ATP2B2: variants seen among roughly 807,000 people sequenced by gnomAD.
ATP2B2 encodes ATPase plasma membrane Ca2+ transporting 2.
ATP2B2 carries 15 observed loss-of-function variants against 120.0 expected under a neutral mutation model. That is an observed-to-expected ratio of 0.12 (90% confidence interval 0.08 to 0.19). The LOEUF (loss-of-function observed/expected upper bound fraction) is 0.19, where lower values mean the gene tolerates loss of function less well. Ranked by LOEUF, ATP2B2 falls within the 10% of genes least tolerant of loss-of-function variation. The pLI is 1.00. For missense variants in ATP2B2, 1,045 were observed against 1,719.8 expected, an observed-to-expected ratio of 0.61 and a Z score of 6.94; for synonymous variants, 694 against 700.3, an observed-to-expected ratio of 0.99 and a Z score of 0.14.
chr3:10,506,743 G>A (rs1434737221), upstream of ATP2B2, among the ~76,000 whole-genome samples: 4 of 152,142 alleles, frequency 2.6e-5, no homozygotes, highest in African/African-American at 9.7e-5. Flanking sequence ...GTGCATGGGG[G>A]ACAGGGGCAG....
intron 2 of ATP2B2, among the ~76,000 whole-genome samples, chr3:10,430,142 C>T (rs1184028570): frequency 1.3e-5 from 2 of 152,236 alleles, no homozygotes; most frequent in African/African-American, 2.4e-5. Context: ...CACCCAAGTG[C>T]TCTCATGGAG....
intron 2 of ATP2B2, among the ~76,000 whole-genome samples, chr3:10,608,892 G>A (rs1302289902): frequency 2.0e-5 from 3 of 151,864 alleles, no homozygotes; most frequent in South Asian, 2.1e-4. Flanking sequence ...GGGAGCTGGC[G>A]TGCACAAGGC....
In ATP2B2 at chr3:10,329,230, G is replaced by A; in HGVS notation, c.3421-105C>T. ...GGAGAAGGGTTAGGGCAAAGCAGGT[G>A]GCTGGAATCCATAGTCGCTGGGTGT... On this transcript the variant is annotated intron_variant, in intron 22 of 22. Coordinates refer to ENST00000360273, the MANE Select transcript of ATP2B2 (RefSeq NM_001001331.4). This position sits in a 1 kb window ranked among gnomAD's most constrained non-coding sequence, Gnocchi z 5.9. The A allele has an allele frequency of 8.7e-7, 1 of 1,144,736 alleles. No individual in the cohort carries two copies. Among genetic ancestry groups the A allele is most frequent in the Admixed American group, 1.7e-5 (1 of 58,412 alleles). 70.9% of individuals were successfully genotyped at this position (1,144,736 alleles called of 1,614,324 possible).
chr3:10,695,459 C>A (rs1331926324), intron 1 of ATP2B2, among the ~76,000 whole-genome samples: 1 of 152,152 alleles, frequency 6.6e-6, no homozygotes, highest in Non-Finnish European at 1.5e-5. Context: ...CACAGCCAAA[C>A]CATATAAACT....
At chr3:10,618,638 C>A (rs1013430164) in intron 2 of ATP2B2, among the ~76,000 whole-genome samples, 4 of 152,108 alleles carry the variant, frequency 2.6e-5, no homozygotes, top group African/African-American at 7.2e-5. Flanking sequence ...GCTTTTCCAC[C>A]AAAAGGTACC....
At chr3:10,633,325 C>T (rs1047788227) in intron 1 of ATP2B2, among the ~76,000 whole-genome samples, 6 of 152,216 alleles carry the variant, frequency 3.9e-5, no homozygotes, top group Non-Finnish European at 7.3e-5. Context: ...ACCAGGGTTG[C>T]CATCCACTGA....
At chr3:10,405,214 CT>C (rs756129269) in intron 3 of ATP2B2, among the ~76,000 whole-genome samples, 1 of 152,128 alleles carries the variant, frequency 6.6e-6, no homozygotes, top group Admixed American at 6.6e-5. Context: ...TTTTCATGAG[CT>C]TTTTTCCTTG....
At chr3:10,383,608 T>C (rs542908308) in intron 8 of ATP2B2, among the ~76,000 whole-genome samples, 3 of 152,348 alleles carry the variant, frequency 2.0e-5, no homozygotes, top group African/African-American at 7.2e-5. Context: ...CCAGCTCTGC[T>C]ACTTTCTAGC....
At chr3:10,368,489 C>T (rs567493325) in intron 12 of ATP2B2, among the ~76,000 whole-genome samples, 1 of 152,162 alleles carries the variant, frequency 6.6e-6, no homozygotes, top group South Asian at 2.1e-4. Flanking sequence ...ATCTATTCAT[C>T]CACCATTCCA....
At chr3:10,421,623 G>A (rs760833962) in intron 2 of ATP2B2, among the ~76,000 whole-genome samples, 3 of 152,182 alleles carry the variant, frequency 2.0e-5, no homozygotes, top group Non-Finnish European at 4.4e-5. Context: ...CAGCATCCCT[G>A]CCCTGATCCG....
At chr3:10,422,239 C>T (rs1047855722) in intron 2 of ATP2B2, among the ~76,000 whole-genome samples, 21 of 152,210 alleles carry the variant, frequency 1.4e-4, no homozygotes, top group Non-Finnish European at 1.5e-5. Context: ...TGGCCACGTG[C>T]CCCCTGTAAG....
At position 10,500,396 on chromosome 3, in the gene ATP2B2, G is replaced by C. The variant is rs11925076; in HGVS notation, c.-320+5069C>G. On this transcript the variant is annotated intron_variant, in intron 1 of 22. Transcript: ENST00000360273. Reference sequence around the variant, plus strand: ...TGGGTTGAACGGTGTCCTATCCAAAGTTCATGCCCACCTGGAACCTCAGAA... The same window carrying C: ...TGGGTTGAACGGTGTCCTATCCAAACTTCATGCCCACCTGGAACCTCAGAA... 7.6e-3 allele frequency among the ~76,000 whole-genome samples: 1,164 copies of C among 152,192 alleles called. 16 individuals are homozygous for C. The highest frequency in any genetic ancestry group is 0.027 in the African/African-American group (1,104 of 41,502).
intron 1 of ATP2B2, among the ~76,000 whole-genome samples, chr3:10,672,106 C>T (rs2071114635): frequency 6.6e-6 from 1 of 152,208 alleles, no homozygotes. Context: ...TGTTTTGGGT[C>T]TGCAAACTCT....
intron 1 of ATP2B2, among the ~76,000 whole-genome samples, chr3:10,652,458 T>C (rs1206402535): frequency 2.6e-5 from 4 of 152,202 alleles, no homozygotes; most frequent in African/African-American, 7.2e-5. Context: ...AGTGTCATTA[T>C]AACACCATGC....
At chr3:10,336,395 C>G in intron 22 of ATP2B2, 1 of 1,211,902 alleles carries the variant, frequency 8.3e-7, no homozygotes, top group Non-Finnish European at 1.2e-6. Flanking sequence ...GCCGCAGCCA[C>G]GGCAACAACG....
chr3:10,410,507 G>T, intron 3 of ATP2B2, 111 bp downstream of exon 3: 1 of 1,368,676 alleles, frequency 7.3e-7, no homozygotes, highest in African/African-American at 1.5e-5. Flanking sequence ...CTTGGACCTC[G>T]GTTTCTTCCC....
intron 1 of ATP2B2, among the ~76,000 whole-genome samples, chr3:10,692,846 C>T (rs1470455627): frequency 6.6e-6 from 1 of 151,036 alleles, no homozygotes; most frequent in Non-Finnish European, 1.5e-5. Context: ...TGGGAGCCCA[C>T]ACCCGCCAGA....
intron 22 of ATP2B2, chr3:10,336,390 A>C: frequency 1.6e-6 from 2 of 1,274,952 alleles, no homozygotes; most frequent in South Asian, 2.8e-5. Context: ...GAACAGCCGC[A>C]GCCACGGCAA....
intron 1 of ATP2B2, among the ~76,000 whole-genome samples, chr3:10,655,407 C>T (rs1243909317): frequency 6.6e-6 from 1 of 152,214 alleles, no homozygotes. Context: ...TCAGAATCCC[C>T]CAGGTTGGGA....
Sources: allele counts gnomAD v4.1 joint callset (sites outside exome capture counted in the v4.1 genomes callset), GRCh38; gene constraint gnomAD v4.1.1; non-coding constraint Gnocchi (gnomAD v3.1); transcripts MANE v1.5; gene names NCBI Gene and HGNC (gene_info 2026-07-23, HGNC 2026-07-21).